Variants in XRN1 observed in about 807,000 individuals in gnomAD.
XRN1 encodes strand-exchange protein 1 homolog.
In XRN1, 67 loss-of-function variants were observed where a neutral mutation model predicts 222.3. The ratio of observed to expected loss-of-function variants is 0.30; its 90% CI spans 0.25 to 0.37. The LOEUF is 0.37. Among genes scored for constraint, XRN1 ranks in the 10% least tolerant of loss-of-function variants. The pLI is 1.00. For synonymous variants in XRN1, 643 were observed against 652.4 expected (o/e 0.99, Z 0.22); for missense variants, 1,707 against 2,000.2 (o/e 0.85, Z 2.80).
chr3:142,312,633 G>T lies in XRN1; in HGVS notation c.4747C>A (p.Pro1583Thr). The T allele has an allele frequency of 1.2e-6, 2 of 1,613,016 alleles. No homozygotes were observed. The highest frequency in any genetic ancestry group is 1.1e-5 in the South Asian group (1 of 90,946). Residue 1583 changes from proline to threonine, a missense_variant, in exon 40 of 41, where the codon CCA becomes ACA. Around this residue, in one of 2 missense-constraint regions of XRN1, gnomAD observed 473 missense variants for 482.0 expected, o/e 0.98. Transcript: ENST00000392981. Reference sequence around the variant, plus strand: ...ATAAACTGATTGTGCACACCCCCTGGTATTCCCCCAGCCATGGGCATGGTC... The same window carrying T: ...ATAAACTGATTGTGCACACCCCCTGTTATTCCCCCAGCCATGGGCATGGTC... ...SGTMPMAGGI[P>T]GGVHNQFIPL...
chr3:142,371,847 G>A (rs2067000832), intron 25 of XRN1, among the ~76,000 whole-genome samples: 1 of 152,260 alleles, frequency 6.6e-6, no homozygotes, highest in South Asian at 2.1e-4. Flanking sequence ...CACAGACCTA[G>A]AGAGACAGAT....
At chr3:142,385,124 C>T (rs980628754) in intron 20 of XRN1, among the ~76,000 whole-genome samples, 8 of 152,272 alleles carry the variant, frequency 5.3e-5, no homozygotes, top group Middle Eastern at 3.4e-3. Flanking sequence ...CTAAGCATTC[C>T]AACCCCCCCG....
Position 142,418,565 on chromosome 3 carries a change from C to T in XRN1, c.1285G>A (p.Glu429Lys). The T allele has an allele frequency of 3.1e-6, 5 of 1,611,206 alleles. No homozygotes were observed. The highest frequency in any genetic ancestry group is 4.2e-6 in the Non-Finnish European group (5 of 1,179,222). ...ETEDDDLFET[E>K]FRQYKRTYYM... ...TATGTTCTTTTATATTGTCTAAACTCAGTTTCAAATAGGTCATCATCTTCA... is the reference window on the plus strand; with the variant it reads ...TATGTTCTTTTATATTGTCTAAACTTAGTTTCAAATAGGTCATCATCTTCA... Residue 429 changes from glutamate (E) to lysine (K), a missense_variant, in exon 12 of 41, where the codon GAG becomes AAG. Physicochemically the swap from Glu to Lys is moderately conservative, Grantham distance 56. Around this residue, in one of 2 missense-constraint regions of XRN1, gnomAD observed 1,234 missense variants for 1,518.2 expected, o/e 0.81. Transcript: ENST00000392981.
At chr3:142,435,204 G>C (rs985918866) in intron 1 of XRN1, 1 of 151,648 alleles carries the variant, frequency 6.6e-6, no homozygotes, top group African/African-American at 2.4e-5. Flanking sequence ...GACCATCCTG[G>C]CTAACACGGT....
rs752096283 is a variant in XRN1, at chr3:142,425,276, C to T, written c.573G>A (p.Lys191=). The change falls in exon 5 of 41, where the codon AAG becomes AAA. Residue 191 remains lysine, a synonymous_variant. Transcript: ENST00000392981. ...IMEFIRSEKA[K]PDHDPNTRHC... is the part of the protein sequence containing the mutation. The stretch of plus-strand genomic sequence containing the variant: ...GTCTGGTGTTTGGATCATGATCTGG[C>T]TTTGCTTTCTCGGATCTGATAAATT... The T allele has an allele frequency of 1.2e-6, 2 of 1,607,944 alleles. No homozygotes were observed. The highest frequency in any genetic ancestry group is 1.7e-5 in the Admixed American group (1 of 59,376).
intron 2 of XRN1, among the ~76,000 whole-genome samples, chr3:142,431,895 A>AATATATTG (rs2069575841): frequency 3.1e-5 from 1 of 32,420 alleles, no homozygotes; most frequent in South Asian, 4.9e-4. Flanking sequence ...TATATATAAT[A>AATATATTG]TATATATTAT....
chr3:142,318,052 G>A (rs1372054479), intron 39 of XRN1, among the ~76,000 whole-genome samples: 1 of 152,032 alleles, frequency 6.6e-6, no homozygotes, highest in Non-Finnish European at 1.5e-5. Context: ...CTTATTGTAA[G>A]CATTAGATAT....
intron 32 of XRN1, among the ~76,000 whole-genome samples, chr3:142,354,971 G>A (rs1047714744): frequency 6.6e-6 from 1 of 151,946 alleles, no homozygotes; most frequent in African/African-American, 2.4e-5. Context: ...ATGAATATAA[G>A]AACAGAAAAC....
At chr3:142,433,823 A>G (rs2069736945) in intron 1 of XRN1, among the ~76,000 whole-genome samples, 1 of 152,242 alleles carries the variant, frequency 6.6e-6, no homozygotes, top group Admixed American at 6.5e-5. Flanking sequence ...CAGTAATTCA[A>G]GTTTTACAAC....
chr3:142,384,691 A>G lies in XRN1; in HGVS notation c.2340-6T>C. ...TTCCTTTTCTTCTCAGGTAGCTAAA[A>G]TAAAGAATAAACATGAAATATACAT... On this transcript the variant is annotated splice_region_variant and splice_polypyrimidine_tract_variant and intron_variant, in intron 20 of 40. Transcript: ENST00000392981. The G allele has an allele frequency of 4.4e-6, 7 of 1,575,472 alleles. No homozygotes were observed. Among genetic ancestry groups the G allele is most frequent in the Non-Finnish European group, 6.0e-6 (7 of 1,160,678 alleles).
chr3:142,367,691 G>A (rs2066862765), intron 27 of XRN1, among the ~76,000 whole-genome samples: 2 of 151,476 alleles, frequency 1.3e-5, no homozygotes, highest in South Asian at 4.2e-4. Context: ...GACCACAGGC[G>A]TGTGCCACCA....
intron 39 of XRN1, among the ~76,000 whole-genome samples, chr3:142,314,759 G>A (rs973607799): frequency 6.6e-6 from 1 of 151,580 alleles, no homozygotes; most frequent in African/African-American, 2.4e-5. Flanking sequence ...ACAAAAATTA[G>A]CCAGGTGTGG....
chr3:142,431,869 AT>A (rs71750793), intron 2 of XRN1, among the ~76,000 whole-genome samples: 28,116 of 70,880 alleles, frequency 0.4, 5,812 homozygotes, highest in African/African-American at 0.43. Context: ...TATATAATAT[AT>A]TATATTATAT....
At chr3:142,423,770 TAAC>T (rs2069134829) in intron 5 of XRN1, 128 bp from the exon 6 acceptor site, 2 of 645,826 alleles carry the variant, frequency 3.1e-6, no homozygotes, top group Non-Finnish European at 4.9e-6. Context: ...AATATACAAA[TAAC>T]AAAATATGAT....
At position 142,400,445 on chromosome 3, in the gene XRN1, T is replaced by C. The variant is rs964837662; in HGVS notation, c.2206A>G (p.Lys736Glu). The change falls in exon 19 of 41, where the codon AAG (lysine) becomes GAG (glutamate). Residue 736 changes from lysine to glutamate, a missense_variant and splice_region_variant. Around this residue, in one of 2 missense-constraint regions of XRN1, gnomAD observed 1,234 missense variants for 1,518.2 expected, o/e 0.81. Transcript: ENST00000392981. ...RVVAVSDGET[K>E]FYLEEPPGTQ... Reference sequence around the variant, plus strand: ...AATTATAAATCAAATCTTACTTACTTAGTTTCTCCATCTGATACAGCCACG... The same window carrying C: ...AATTATAAATCAAATCTTACTTACTCAGTTTCTCCATCTGATACAGCCACG... The C allele has an allele frequency of 2.5e-6, 4 of 1,595,956 alleles. No homozygotes were observed. The African/African-American group carries it at 5.4e-5, about 21-fold the overall frequency.
chr3:142,404,012 T>C, intron 16 of XRN1, 23 bp from the exon 17 acceptor site: 1 of 1,523,550 alleles, frequency 6.6e-7, no homozygotes, highest in East Asian at 2.3e-5. Flanking sequence ...TCAAGGCATT[T>C]AATTTAAAAT....
chr3:142,413,047 T>C (rs746178318), intron 14 of XRN1, among the ~76,000 whole-genome samples: 14 of 152,176 alleles, frequency 9.2e-5, no homozygotes, highest in Non-Finnish European at 1.6e-4. Flanking sequence ...TAGCCTCAAA[T>C]TGACAATTTA....
In XRN1 at chr3:142,384,285, GA is replaced by G. The variant is rs553677349; in HGVS notation, c.2502+237del. On this transcript the variant is annotated intron_variant, in intron 21 of 40. Coordinates refer to ENST00000392981, the MANE Select transcript of XRN1 (RefSeq NM_001282857.2). ...AGACTCTGTCTCAAAAAAAAAAAAA[GA>G]AAAAAAAAAAAGCATACGAAAGCAT... is the stretch of plus-strand genomic sequence containing the variant. 4.6e-3 allele frequency among the ~76,000 whole-genome samples: 586 copies of G among 128,128 alleles called. 3 individuals are homozygous for G. Among genetic ancestry groups the G allele is most frequent in the African/African-American group, 0.013 (454 of 35,270 alleles). 84.1% of individuals were successfully genotyped at this position (128,128 alleles called of 152,430 possible).
chr3:142,413,753 T>C (rs182858927), intron 14 of XRN1, among the ~76,000 whole-genome samples: 21 of 152,326 alleles, frequency 1.4e-4, no homozygotes, highest in Non-Finnish European at 1.5e-5. Flanking sequence ...AATGACTTAT[T>C]AGAACCATCC....
Sources: allele counts gnomAD v4.1 joint callset (sites outside exome capture counted in the v4.1 genomes callset), GRCh38; gene constraint gnomAD v4.1.1; regional missense constraint gnomAD v4.1.1; transcripts MANE v1.5; gene names NCBI Gene and HGNC (gene_info 2026-07-23, HGNC 2026-07-21).